OS9: variants seen among roughly 807,000 people sequenced by gnomAD.
OS9 encodes OS9 endoplasmic reticulum lectin, also known as protein OS-9.
OS9 carries 58 observed loss-of-function variants against 84.7 expected under a neutral mutation model. That is an observed-to-expected ratio of 0.68 (90% CI 0.55 to 0.85). The LOEUF (loss-of-function observed/expected upper bound fraction) is 0.85. Ranked by LOEUF, OS9 falls within the 40% of genes least tolerant of loss-of-function variation. OS9 has a pLI of 0.00. For missense variants in OS9, 760 were observed against 850.9 expected (o/e 0.89, Z 1.33); for synonymous variants, 278 against 320.8 (o/e 0.87, Z 1.43).
intron 5 of OS9, among the ~76,000 whole-genome samples, chr12:57,700,774 AGAAAAAAAT>A (rs1298477824): frequency 1.4e-5 from 2 of 147,468 alleles, no homozygotes; most frequent in East Asian, 4.1e-4. Context: ...AGAAAAAGTG[AGAAAAAAAT>A]GCGGACAGGG....
intron 5 of OS9, among the ~76,000 whole-genome samples, chr12:57,712,995 A>G (rs1206645814): frequency 6.6e-6 from 1 of 152,084 alleles, no homozygotes; most frequent in Non-Finnish European, 1.5e-5. Context: ...AAGTTGTTCC[A>G]TAGTTTAGTC....
rs1953783426 is a variant in OS9 at position 57,694,993 on chromosome 12, C to T, written c.339+67C>T. ...AGCAGTTCATCCAAGAACTGGAGTC[C>T]ACTGAATGAGGCAGGATCTAGGGGA... On this transcript the variant is annotated intron_variant, in intron 2 of 14. Coordinates refer to ENST00000315970, the MANE Select transcript of OS9 (RefSeq NM_006812.4). The T allele has an allele frequency of 1.5e-5, 22 of 1,438,912 alleles. 1 individual carries two copies. In the South Asian group the frequency reaches 2.4e-4, roughly 16 times the overall value. The allele number at this position is 1,438,912 out of a possible 1,614,324, so 89.1% of individuals were successfully genotyped here.
At position 57,714,978 on chromosome 12, in the gene OS9, AATGAT is replaced by A. The variant is rs539817901; in HGVS notation, c.580-779_580-775del. Among the ~76,000 whole-genome samples the A allele has an allele frequency of 4.6e-3, 702 of 152,332 alleles. 5 individuals are homozygous for A. Among genetic ancestry groups the A allele is most frequent in the African/African-American group, 0.016 (673 of 41,562 alleles). On this transcript the variant is annotated intron_variant, in intron 5 of 14. Coordinates refer to ENST00000315970, the MANE Select transcript of OS9 (RefSeq NM_006812.4). ...AATCAATCTCTTTACCCTCTTTCTG[AATGAT>A]ATAAGAATCTTAGAATTGTTTGAAG...
chr12:57,706,601 C>T (rs1219178189), intron 5 of OS9, among the ~76,000 whole-genome samples: 1 of 151,780 alleles, frequency 6.6e-6, no homozygotes, highest in Admixed American at 6.6e-5. Context: ...CCTGTAATCC[C>T]AACACTTTGG....
rs143180028 is a variant in OS9, at chr12:57,717,390, G to A, written c.1046-480G>A. On this transcript the variant is annotated intron_variant, in intron 9 of 14. Transcript: ENST00000315970. ...AGGAATCCAGAGAGAATTTAGGAGC[G>A]CAGTAGCGCACACCTGTAATCCTAG... Among the ~76,000 whole-genome samples, 138 of 152,340 alleles carry A rather than the reference G, an allele frequency of 9.1e-4. 1 individual carries two copies. The highest frequency in any genetic ancestry group is 8.3e-3 in the South Asian group (40 of 4,834).
At chr12:57,695,875 T>C in intron 3 of OS9, 32 bp downstream of exon 3, 1 of 1,583,456 alleles carries the variant, frequency 6.3e-7, no homozygotes. Flanking sequence ...CTTAAGCCCT[T>C]AGTGTCATAT....
chr12:57,721,153 T>G lies in OS9; in HGVS notation c.*244T>G. The G allele has an allele frequency of 4.4e-6, 2 of 454,730 alleles. No homozygotes were observed. Among genetic ancestry groups the G allele is most frequent in the East Asian group, 4.5e-5 (1 of 22,040 alleles). The allele number at this position is 454,730 out of a possible 1,614,324, so 28.2% of individuals were successfully genotyped here. ...TCTCCTGAACTCTCACTCAATCCTC[T>G]TCCTCTCCTCTGTGGCTTTTCCTGT... is the stretch of plus-strand genomic sequence containing the variant. On this transcript the variant is annotated 3_prime_UTR_variant, in exon 15 of 15. Transcript: ENST00000315970.
At position 57,720,636 on chromosome 12, in the gene OS9, G is replaced by A. The variant is rs1157866020; in HGVS notation, c.1878+118G>A. ...TCCTGATCTGTAAGACAAGGCTGGGGTTCCAGTGGCTCAGAGTGCTGCCAT... is the reference window on the plus strand; with the variant it reads ...TCCTGATCTGTAAGACAAGGCTGGGATTCCAGTGGCTCAGAGTGCTGCCAT... On this transcript the variant is annotated intron_variant, in intron 14 of 14. Coordinates refer to ENST00000315970, the MANE Select transcript of OS9 (RefSeq NM_006812.4). The A allele has an allele frequency of 1.3e-5, 17 of 1,280,954 alleles. No individual in the cohort carries two copies. In the Middle Eastern group the frequency reaches 5.9e-4, roughly 45 times the overall value. 79.3% of individuals were successfully genotyped at this position (1,280,954 alleles called of 1,614,324 possible). A position where few individuals can be genotyped will look rare whatever the true frequency, so the allele number is the denominator to read the frequency against.
At chr12:57,720,673 C>A (rs1954654037) in intron 14 of OS9, 111 bp from the exon 15 acceptor site, 1 of 1,365,460 alleles carries the variant, frequency 7.3e-7, no homozygotes, top group South Asian at 1.3e-5. Flanking sequence ...CAGGAAGAGC[C>A]CCTCAGGACA....
At position 57,720,355 on chromosome 12, in the gene OS9, C is replaced by T. The variant is rs771951131; in HGVS notation, c.1766-51C>T. On this transcript the variant is annotated intron_variant, in intron 13 of 14. Transcript: ENST00000315970. ...GGGACCAGTGGGGCAGGGGGCCTGC[C>T]CTGAGGCTCCCAACCATCCTCTCCT... 1.3e-5 allele frequency: 21 copies of T among 1,596,860 alleles called. No homozygotes were observed. The East Asian group carries it at 3.3e-4, about 25-fold the overall frequency.
At chr12:57,694,967 T>C in intron 2 of OS9, 41 bp downstream of exon 2, 1 of 1,581,800 alleles carries the variant, frequency 6.3e-7, no homozygotes, top group Non-Finnish European at 8.7e-7. Context: ...GCTTGGAAAC[T>C]AGCAGTTCAT....
At position 57,695,753 on chromosome 12, in the gene OS9, CCT is replaced by C. The variant is rs774546377; in HGVS notation, c.340-26_340-25del. ...AGAAAAGATGTCTGCACTCCATCCC[CCT>C]GATTGTTTATTTTTTAATTGTCAGA... On this transcript the variant is annotated intron_variant, in intron 2 of 14. Coordinates refer to ENST00000315970, the MANE Select transcript of OS9 (RefSeq NM_006812.4). 1.5e-5 allele frequency: 23 copies of C among 1,510,634 alleles called. No homozygotes were observed. In the Admixed American group the frequency reaches 2.0e-4, roughly 13 times the overall value. The allele number at this position is 1,510,634 out of a possible 1,614,324, so 93.6% of individuals were successfully genotyped here.
intron 4 of OS9, 53 bp downstream of exon 4, chr12:57,696,091 C>T: frequency 7.1e-7 from 1 of 1,412,108 alleles, no homozygotes; most frequent in Non-Finnish European, 1.0e-6. Flanking sequence ...CGGCTGAGAG[C>T]CCTGACAAGA....
Position 57,694,847 on chromosome 12 carries a change from A to G in OS9, c.260A>G (p.Glu87Gly), listed in dbSNP as rs1242950420. Residue 87 changes from glutamate (E) to glycine (G), a missense_variant, in exon 2 of 15, where the codon GAG (glutamate) becomes GGG (glycine). Physicochemically the swap from Glu to Gly is moderately conservative, Grantham distance 98. Transcript: ENST00000315970. ...AGAIHFQRER[E>G]EETPAYQGPG... ...GCTATTCACTTCCAGCGTGAAAGGG[A>G]GGAGGAAACACCTGCTTACCAAGGG... 6.2e-7 allele frequency: 1 copy of G among 1,614,066 alleles called. No homozygotes were observed. The highest frequency in any genetic ancestry group is 1.1e-5 in the South Asian group (1 of 91,080).
chr12:57,700,741 G>A (rs1953996368), intron 5 of OS9, among the ~76,000 whole-genome samples: 2 of 151,708 alleles, frequency 1.3e-5, no homozygotes, highest in South Asian at 4.2e-4. Flanking sequence ...GCGGAAAGGA[G>A]GAGAGGGAGA....
chr12:57,695,229 C>G, intron 2 of OS9: 1 of 441,508 alleles, frequency 2.3e-6, no homozygotes, highest in South Asian at 2.3e-5. Flanking sequence ...ACCCCCTGCC[C>G]TATCACTCTG....
chr12:57,704,100 A>G (rs144655055), intron 5 of OS9, among the ~76,000 whole-genome samples: 2,272 of 152,348 alleles, frequency 0.015, 36 homozygotes, highest in Non-Finnish European at 0.021. Flanking sequence ...CTATTAATGT[A>G]TATGACATTG....
intron 5 of OS9, among the ~76,000 whole-genome samples, chr12:57,713,212 G>A (rs1373278218): frequency 1.3e-5 from 2 of 152,160 alleles, no homozygotes; most frequent in Non-Finnish European, 2.9e-5. Flanking sequence ...AGTGCCTATA[G>A]GCTTGAATTT....
Position 57,719,045 on chromosome 12 carries a change from G to C in OS9, c.1463G>C (p.Arg488Pro), listed in dbSNP as rs368310404. 1.9e-6 allele frequency: 3 copies of C among 1,613,908 alleles called. No individual in the cohort carries two copies. Among genetic ancestry groups the C allele is most frequent in the African/African-American group, 2.7e-5 (2 of 74,888 alleles). The change falls in exon 12 of 15, where the codon CGG (arginine) becomes CCG (proline). Residue 488 changes from arginine (R) to proline (P), a missense_variant. Transcript: ENST00000315970. ...DGLKKESERD[R>P]AMLALTSTLN... ...CTGAAGAAGGAGTCAGAGCGGGATC[G>C]GGCAATGCTGGCTCTCACATCCACT...
Sources: gnomAD v4.1 joint callset for allele counts (sites outside exome capture counted in the v4.1 genomes callset) on GRCh38, gnomAD v4.1.1 for gene constraint, MANE v1.5 for transcripts, NCBI Gene and HGNC (gene_info 2026-07-23, HGNC 2026-07-21) for gene names.